Variants in CLASP2 observed in about 807,000 individuals in gnomAD.
The protein encoded by CLASP2 is cytoplasmic linker associated protein 2, also known as CLIP-associating protein 2.
A neutral mutation model predicts 194.4 loss-of-function variants in CLASP2; 47 were observed. The observed-to-expected ratio is 0.24, with a 90% confidence interval of 0.19 to 0.31. The LOEUF is 0.31. Among genes scored for constraint, CLASP2 ranks in the 10% least tolerant of loss-of-function variants. CLASP2 has a pLI of 1.00. For missense variants in CLASP2, 1,445 were observed against 1,823.6 expected (o/e 0.79, Z 3.78); for synonymous variants, 619 against 633.5 (o/e 0.98, Z 0.34).
rs139318815 is a variant in CLASP2 at position 33,644,390 on chromosome 3, T to C, written c.862+367A>G. The C allele has an allele frequency of 1.1e-3, 313 of 273,294 alleles. 4 individuals carry two copies. The East Asian group carries it at 0.028, about 24-fold the overall frequency. 16.9% of individuals were successfully genotyped at this position (273,294 alleles called of 1,614,324 possible). ...TAGAGGAATGTGTAAAAACATTACATAATTCAACATTTCTGTAACAGCTAT... is the reference window on the plus strand; with the variant it reads ...TAGAGGAATGTGTAAAAACATTACACAATTCAACATTTCTGTAACAGCTAT... On this transcript the variant is annotated intron_variant, in intron 8 of 38. Coordinates refer to ENST00000682230, the MANE Select transcript of CLASP2 (RefSeq NM_001365631.1).
chr3:33,517,661 T>C (rs187689287), intron 34 of CLASP2, among the ~76,000 whole-genome samples: 16 of 152,288 alleles, frequency 1.1e-4, no homozygotes, highest in African/African-American at 3.9e-4. Flanking sequence ...TCTCCATAAA[T>C]CATCCCCCTT....
At chr3:33,647,299 C>G (rs1409452845) in intron 7 of CLASP2, among the ~76,000 whole-genome samples, 1 of 151,856 alleles carries the variant, frequency 6.6e-6, no homozygotes, top group African/African-American at 2.4e-5. Flanking sequence ...ATCTATGGCA[C>G]CAGTCCTCAA....
chr3:33,667,432 A>AAAAAAAAAAAAAAAAAG (rs1246661316), intron 6 of CLASP2, among the ~76,000 whole-genome samples: 1 of 149,238 alleles, frequency 6.7e-6, no homozygotes, highest in African/African-American at 2.5e-5. Context: ...AAAAAAAGAC[A>AAAAAAAAAAAAAAAAAG]TTTGATTTGC....
Position 33,603,126 on chromosome 3 carries a change from C to A in CLASP2, c.1751-1G>T. 1 of 1,560,624 alleles carries A rather than the reference C, an allele frequency of 6.4e-7. No homozygotes were observed. The highest frequency in any genetic ancestry group is 8.7e-7 in the Non-Finnish European group (1 of 1,150,652). The stretch of plus-strand genomic sequence containing the variant: ...CTGGCTTTGCTGCTGCCTGCTGATA[C>A]TACGAAATACAAAGCAAAGATAACT... On this transcript the variant is annotated splice_acceptor_variant, in intron 17 of 38. Coordinates refer to ENST00000682230, the MANE Select transcript of CLASP2 (RefSeq NM_001365631.1). LOFTEE classifies it high-confidence loss of function.
intron 8 of CLASP2, among the ~76,000 whole-genome samples, chr3:33,637,424 C>A (rs993569095): frequency 1.3e-5 from 2 of 152,114 alleles, no homozygotes; most frequent in Non-Finnish European, 2.9e-5. Flanking sequence ...GTCCCAGCTA[C>A]TTGAAAGGCC....
intron 7 of CLASP2, among the ~76,000 whole-genome samples, chr3:33,647,689 T>C (rs2082497757): frequency 6.6e-6 from 1 of 152,210 alleles, no homozygotes; most frequent in Non-Finnish European, 1.5e-5. Context: ...GCAGATGGTT[T>C]TGATCCGCAA....
intron 30 of CLASP2, among the ~76,000 whole-genome samples, chr3:33,549,513 T>C (rs1348998153): frequency 6.6e-6 from 1 of 152,162 alleles, no homozygotes; most frequent in Non-Finnish European, 1.5e-5. Flanking sequence ...AAGAGTGAGC[T>C]GTTTGTGGGT....
chr3:33,661,443 A>G (rs1353093379), intron 7 of CLASP2, among the ~76,000 whole-genome samples: 6 of 152,224 alleles, frequency 3.9e-5, no homozygotes, highest in Non-Finnish European at 8.8e-5. Flanking sequence ...AGATTTAGAG[A>G]GGATATTAGC....
intron 16 of CLASP2, among the ~76,000 whole-genome samples, chr3:33,604,888 G>C (rs1317509059): frequency 1.3e-5 from 2 of 152,138 alleles, no homozygotes; most frequent in Non-Finnish European, 2.9e-5. Flanking sequence ...GAAAGGGGTA[G>C]TGTTATCACT....
At chr3:33,562,901 T>A (rs928061618) in intron 27 of CLASP2, among the ~76,000 whole-genome samples, 4 of 152,184 alleles carry the variant, frequency 2.6e-5, no homozygotes, top group Non-Finnish European at 5.9e-5. Flanking sequence ...TTGTGCTCTA[T>A]CCACTCTATT....
At chr3:33,559,819 A>G (rs943591076) in intron 28 of CLASP2, among the ~76,000 whole-genome samples, 5 of 151,982 alleles carry the variant, frequency 3.3e-5, no homozygotes, top group Non-Finnish European at 7.4e-5. Flanking sequence ...GCTTGAACCC[A>G]GGAGGCAGAG....
At chr3:33,689,725 G>A in intron 3 of CLASP2, 104 bp downstream of exon 3, 1 of 694,800 alleles carries the variant, frequency 1.4e-6, no homozygotes. Flanking sequence ...AACAGTATTA[G>A]CAACAAATCA....
intron 6 of CLASP2, among the ~76,000 whole-genome samples, chr3:33,665,121 A>C (rs1292355322): frequency 6.6e-6 from 1 of 152,034 alleles, no homozygotes. Context: ...AAAAAGAAAG[A>C]AAGAAAGGAG....
At chr3:33,582,035 A>C in intron 22 of CLASP2, 107 bp from the exon 23 acceptor site, 1 of 609,630 alleles carries the variant, frequency 1.6e-6, no homozygotes, top group Non-Finnish European at 2.9e-6. Flanking sequence ...CAGTAACTTA[A>C]ATTTTTCTAA....
At chr3:33,548,508 A>G (rs1205526413) in intron 30 of CLASP2, among the ~76,000 whole-genome samples, 1 of 152,072 alleles carries the variant, frequency 6.6e-6, no homozygotes, top group Non-Finnish European at 1.5e-5. Flanking sequence ...CATGTTAGCC[A>G]GGATGGTCTT....
chr3:33,645,319 T>A, intron 7 of CLASP2: 1 of 765,270 alleles, frequency 1.3e-6, no homozygotes, highest in South Asian at 1.3e-5. Context: ...GCCTCATTCC[T>A]CTGAAAGCTC....
At chr3:33,670,467 T>A (rs2086952270) in intron 6 of CLASP2, among the ~76,000 whole-genome samples, 2 of 152,230 alleles carry the variant, frequency 1.3e-5, no homozygotes, top group Admixed American at 6.5e-5. Context: ...CTGCCTCTGA[T>A]TTCCATATGT....
intron 1 of CLASP2, among the ~76,000 whole-genome samples, chr3:33,704,903 G>A (rs1205480420): frequency 6.6e-6 from 1 of 152,064 alleles, no homozygotes; most frequent in African/African-American, 2.4e-5. Context: ...TCAAATGTTG[G>A]TAAGGACGTA....
intron 7 of CLASP2, chr3:33,659,058 C>G: frequency 4.6e-6 from 7 of 1,529,046 alleles, no homozygotes; most frequent in Non-Finnish European, 6.1e-6. Context: ...AGCTCAGTGC[C>G]TGCGCCACTG....
Sources: allele counts gnomAD v4.1 joint callset (sites outside exome capture counted in the v4.1 genomes callset), GRCh38; gene constraint gnomAD v4.1.1; transcripts MANE v1.5; gene names NCBI Gene and HGNC (gene_info 2026-07-23, HGNC 2026-07-21).